The following GPBP1L1 variants were observed in gnomAD, a reference collection of about 807,000 sequenced individuals.
GPBP1L1 encodes vasculin-like protein 1.
A neutral mutation model predicts 52.5 loss-of-function variants in GPBP1L1; 23 were observed. That is an observed-to-expected ratio of 0.44 (90% CI 0.32 to 0.62). The LOEUF (loss-of-function observed/expected upper bound fraction) is 0.62, where lower values mean the gene tolerates loss of function less well. Ranked by LOEUF, GPBP1L1 falls within the 20% of genes least tolerant of loss-of-function variation. GPBP1L1 has a pLI of 0.06. For synonymous variants in GPBP1L1, 243 were observed against 203.1 expected (o/e 1.20, Z -1.67); for missense variants, 596 against 579.3 (o/e 1.03, Z -0.30).
Position 45,659,076 on chromosome 1 carries a change from A to G in GPBP1L1, c.12T>C (p.His4=). 2 of 1,614,150 alleles carry G rather than the reference A, an allele frequency of 1.2e-6. No individual in the cohort carries two copies. The highest frequency in any genetic ancestry group is 1.7e-6 in the Non-Finnish European group (2 of 1,179,980). The change falls in exon 4 of 13, where the codon CAT becomes CAC. Residue 4 remains histidine (H), a synonymous_variant. Coordinates refer to ENST00000355105, the MANE Select transcript of GPBP1L1 (RefSeq NM_021639.5). The stretch of plus-strand genomic sequence containing the variant: ...AATTTAGCCAAGCAGGAACAAAATC[A>G]TGCTGCGCCATTTAGGTCCAGTGTC... MAQ[H]DFVPAWLNFS... is the part of the protein sequence containing the mutation.
Position 45,630,568 on chromosome 1 carries a change from C to A in GPBP1L1, c.1083G>T (p.Gly361=). ...GACCATTTTGATGACAGCCTTCCTC[C>A]CCATTTTCCTTTGGTTCAGGTGTGC... ...DNSTPEPKEN[G]EEGCHQNGLA... is the part of the protein sequence containing the mutation. Residue 361 remains glycine, a synonymous_variant, in exon 11 of 13, where the codon GGG becomes GGT. Transcript: ENST00000355105. The A allele has an allele frequency of 6.2e-7, 1 of 1,614,044 alleles. No homozygotes were observed.
chr1:45,644,272 T>C, intron 6 of GPBP1L1, among the ~76,000 whole-genome samples: 1 of 152,366 alleles, frequency 6.6e-6, no homozygotes, highest in African/African-American at 2.4e-5. Context: ...TGTGGTTGTT[T>C]CCTTGTTTCA....
At position 45,633,662 on chromosome 1, in the gene GPBP1L1, C is replaced by T; in HGVS notation, c.886-15G>A. On this transcript the variant is annotated splice_polypyrimidine_tract_variant and intron_variant, in intron 9 of 12. Transcript: ENST00000355105. ...CTGGAGGGACTCTGGGCAAATACCA[C>T]AAACAGGTTGCTCCTGACAGCAAAG... 2 of 1,612,294 alleles carry T rather than the reference C, an allele frequency of 1.2e-6. No individual in the cohort carries two copies. The highest frequency in any genetic ancestry group is 8.5e-7 in the Non-Finnish European group (1 of 1,179,292).
chr1:45,672,965 T>C (rs146101965), intron 2 of GPBP1L1, among the ~76,000 whole-genome samples: 47 of 152,318 alleles, frequency 3.1e-4, no homozygotes, highest in African/African-American at 1.1e-3. Context: ...TAGACAACTC[T>C]TTTGAGAAGT....
Position 45,633,473 on chromosome 1 carries a change from A to T in GPBP1L1, c.1044+16T>A, listed in dbSNP as rs897586092. On this transcript the variant is annotated intron_variant, in intron 10 of 12. Coordinates refer to ENST00000355105, the MANE Select transcript of GPBP1L1 (RefSeq NM_021639.5). ...AAAATTCCTAGGCTACCCCCAGAAA[A>T]GGCGGATGCTCTTACATCTTCCAGC... 6.2e-7 allele frequency: 1 copy of T among 1,610,080 alleles called. No individual in the cohort carries two copies. Among genetic ancestry groups the T allele is most frequent in the African/African-American group, 1.3e-5 (1 of 74,548 alleles).
chr1:45,651,562 G>T, intron 6 of GPBP1L1: 2 of 594,738 alleles, frequency 3.4e-6, no homozygotes, highest in Admixed American at 2.4e-5. Context: ...TAGCTGTTTG[G>T]CAGCGCAAGG....
At chr1:45,629,780 G>A in intron 11 of GPBP1L1, 102 bp from the exon 12 acceptor site, 1 of 744,770 alleles carries the variant, frequency 1.3e-6, no homozygotes, top group South Asian at 1.6e-5. Flanking sequence ...AGGGGCAATG[G>A]ATGTTAAAGA....
rs974728502 is a variant in GPBP1L1, at chr1:45,660,298, T to C, written c.-170A>G. The C allele has an allele frequency of 1.8e-5, 18 of 985,250 alleles. No homozygotes were observed. Among genetic ancestry groups the C allele is most frequent in the African/African-American group, 5.2e-5 (3 of 57,208 alleles). The allele number at this position is 985,250 out of a possible 1,614,324, so 61.0% of individuals were successfully genotyped here. ...GTAACCTGGCCGGCAGCACGACTTA[T>C]GATGAAGCACGAAGAAGCCAGGTTC... is the stretch of plus-strand genomic sequence containing the variant. On this transcript the variant is annotated 5_prime_UTR_variant, in exon 3 of 13. Transcript: ENST00000355105.
intron 8 of GPBP1L1, chr1:45,634,965 T>G (rs767973949): frequency 2.6e-5 from 4 of 152,164 alleles, no homozygotes; most frequent in Non-Finnish European, 5.9e-5. Flanking sequence ...TTTTCCAGAA[T>G]GAAACACTTA....
At chr1:45,659,455 C>T (rs1235089829) in intron 3 of GPBP1L1, among the ~76,000 whole-genome samples, 2 of 152,118 alleles carry the variant, frequency 1.3e-5, no homozygotes, top group Admixed American at 6.6e-5. Context: ...GCTTCAGCCT[C>T]GCAAAGTGTT....
chr1:45,641,772 CGCCACCGCACTCCA>C (rs1557699626), intron 7 of GPBP1L1: 1 of 146,610 alleles, frequency 6.8e-6, no homozygotes, highest in Admixed American at 6.8e-5. Flanking sequence ...GCTGAGATCT[CGCCACCGCACTCCA>C]GCCTGGCAAC....
At chr1:45,655,109 G>C in intron 5 of GPBP1L1, 81 bp downstream of exon 5, 1 of 1,527,482 alleles carries the variant, frequency 6.5e-7, no homozygotes, top group South Asian at 1.2e-5. Context: ...CCTATTTCAA[G>C]ATTACAGACA....
chr1:45,648,042 G>C (rs1644773915), intron 6 of GPBP1L1, among the ~76,000 whole-genome samples: 2 of 152,180 alleles, frequency 1.3e-5, no homozygotes, highest in East Asian at 3.9e-4. Flanking sequence ...CCAGACTCAA[G>C]CAATCCTCCC....
chr1:45,638,959 T>G (rs1467228087), intron 8 of GPBP1L1, among the ~76,000 whole-genome samples: 1 of 152,172 alleles, frequency 6.6e-6, no homozygotes, highest in Admixed American at 6.5e-5. Context: ...ACTATAGGAC[T>G]AGCACACTAT....
At chr1:45,668,208 CATAA>C (rs1186354839) in intron 2 of GPBP1L1, among the ~76,000 whole-genome samples, 12 of 152,150 alleles carry the variant, frequency 7.9e-5, no homozygotes, top group South Asian at 2.1e-4. Context: ...ATATGATAGG[CATAA>C]ATAAGTTTGC....
At chr1:45,685,033 T>G (rs1353915329) in intron 2 of GPBP1L1, among the ~76,000 whole-genome samples, 2 of 152,092 alleles carry the variant, frequency 1.3e-5, no homozygotes. Flanking sequence ...TTCCAATCTA[T>G]GACTTTTTGT....
In GPBP1L1 at chr1:45,628,424, G is replaced by A; in HGVS notation, c.1273-16C>T. 6.2e-7 allele frequency: 1 copy of A among 1,610,394 alleles called. No homozygotes were observed. Among genetic ancestry groups the A allele is most frequent in the Admixed American group, 1.7e-5 (1 of 59,454 alleles). ...TTCTTCTCAGCTATGGTTAGCATGG[G>A]AGAGAAAGAAAAAAGAAAAAAATAT... On this transcript the variant is annotated splice_polypyrimidine_tract_variant and intron_variant, in intron 12 of 12. Coordinates refer to ENST00000355105, the MANE Select transcript of GPBP1L1 (RefSeq NM_021639.5).
At chr1:45,640,129 A>C (rs992702681) in intron 8 of GPBP1L1, 81 bp downstream of exon 8, 6 of 1,181,036 alleles carry the variant, frequency 5.1e-6, no homozygotes, top group Non-Finnish European at 4.9e-6. Context: ...TGCGGCAAGA[A>C]AAAACAAATT....
chr1:45,673,158 T>C (rs1014920522), intron 2 of GPBP1L1, among the ~76,000 whole-genome samples: 1 of 152,208 alleles, frequency 6.6e-6, no homozygotes, highest in African/African-American at 2.4e-5. Context: ...CAGTGAAGAC[T>C]GGCCTTCAGC....
Sources: gnomAD v4.1 joint callset for allele counts (sites outside exome capture counted in the v4.1 genomes callset) on GRCh38, gnomAD v4.1.1 for gene constraint, MANE v1.5 for transcripts, NCBI Gene and HGNC (gene_info 2026-07-23, HGNC 2026-07-21) for gene names.